PDE4D: variants seen among roughly 807,000 people sequenced by gnomAD.
The protein encoded by PDE4D is 3',5'-cyclic-AMP phosphodiesterase 4D.
A neutral mutation model predicts 87.4 loss-of-function variants in PDE4D; 24 were observed. The ratio of observed to expected loss-of-function variants is 0.27; its 90% CI spans 0.20 to 0.39. The LOEUF is 0.39. Among genes scored for constraint, PDE4D ranks in the 10% least tolerant of loss-of-function variants. PDE4D has a pLI of 1.00. For missense variants in PDE4D, 714 were observed against 1,041.0 expected, an observed-to-expected ratio of 0.69 and a Z score of 4.32; for synonymous variants, 384 against 383.2, an observed-to-expected ratio of 1.00 and a Z score of -0.02.
chr5:60,171,739 A>G (rs566716335), intron 2 of PDE4D, among the ~76,000 whole-genome samples: 3 of 152,232 alleles, frequency 2.0e-5, no homozygotes, highest in East Asian at 1.9e-4. Context: ...TGCTATTTGC[A>G]TAGGTGTCTT....
intron 1 of PDE4D, among the ~76,000 whole-genome samples, chr5:60,190,603 A>G (rs976778629): frequency 6.6e-6 from 1 of 152,254 alleles, no homozygotes; most frequent in Admixed American, 6.5e-5. Flanking sequence ...TATAGGGAAC[A>G]TAAGTAGTCT....
At chr5:59,431,624 CT>C (rs199931186) in intron 1 of PDE4D, among the ~76,000 whole-genome samples, 1 of 151,750 alleles carries the variant, frequency 6.6e-6, no homozygotes, top group African/African-American at 2.4e-5. Flanking sequence ...GATAATTTTC[CT>C]TTTTTTTAAA....
At chr5:60,314,661 A>G (rs886459343) in intron 1 of PDE4D, among the ~76,000 whole-genome samples, 11 of 146,280 alleles carry the variant, frequency 7.5e-5, no homozygotes, top group African/African-American at 2.5e-4. Context: ...AACAGGCCCC[A>G]GTGTGTGATG....
chr5:60,319,921 T>C (rs1235522502), intron 1 of PDE4D, among the ~76,000 whole-genome samples: 1 of 152,216 alleles, frequency 6.6e-6, no homozygotes, highest in Non-Finnish European at 1.5e-5. Context: ...GTTAGGCTAC[T>C]GGGGGTCAGG....
intron 1 of PDE4D, among the ~76,000 whole-genome samples, chr5:59,282,923 C>T (rs1194381099): frequency 6.6e-6 from 1 of 152,136 alleles, no homozygotes; most frequent in Non-Finnish European, 1.5e-5. Flanking sequence ...AACAGCTGCT[C>T]TGAGAAAAAC....
At chr5:59,976,066 G>T (rs1225597015) in intron 3 of PDE4D, among the ~76,000 whole-genome samples, 2 of 152,136 alleles carry the variant, frequency 1.3e-5, no homozygotes, top group African/African-American at 2.4e-5. Flanking sequence ...TGAGCCTTGG[G>T]TCGCCAGTGC....
intron 1 of PDE4D, among the ~76,000 whole-genome samples, chr5:59,441,763 C>T (rs1017295566): frequency 6.6e-6 from 1 of 152,188 alleles, no homozygotes. Flanking sequence ...ATTAACTGTG[C>T]ACTTGAAATT....
rs957161656 is a variant in PDE4D, at chr5:60,014,228, T to C, written c.43-25511A>G. 1.6e-4 allele frequency among the ~76,000 whole-genome samples: 24 copies of C among 151,484 alleles called. 1 individual carries two copies. Among genetic ancestry groups the C allele is most frequent in the African/African-American group, 5.8e-4 (24 of 41,318 alleles). ...ATATGACTGAAACTTTCTTGGACCA[T>C]CCAGCCCAGACCAGCTATTGACTAA... On this transcript the variant is annotated intron_variant, in intron 2 of 16. Coordinates refer to the PDE4D transcript ENST00000502484.
chr5:59,903,528 C>A (rs532251374), intron 3 of PDE4D, among the ~76,000 whole-genome samples: 1 of 152,112 alleles, frequency 6.6e-6, no homozygotes, highest in Non-Finnish European at 1.5e-5. Flanking sequence ...AAGGTAATTG[C>A]GATTTTTGTG....
intron 1 of PDE4D, among the ~76,000 whole-genome samples, chr5:59,311,489 G>A (rs1772590512): frequency 1.0e-5 from 1 of 97,992 alleles, no homozygotes; most frequent in Admixed American, 1.6e-4. Flanking sequence ...AACAGAGAGA[G>A]ACTCTGTCTC....
intron 2 of PDE4D, among the ~76,000 whole-genome samples, chr5:60,028,568 G>A (rs1212919780): frequency 3.3e-5 from 5 of 151,940 alleles, no homozygotes; most frequent in Admixed American, 2.6e-4. Flanking sequence ...ACCTTTCATG[G>A]TTGCCGCTGA....
At chr5:60,370,156 C>T (rs1043181952) in intron 1 of PDE4D, among the ~76,000 whole-genome samples, 24 of 152,128 alleles carry the variant, frequency 1.6e-4, no homozygotes, top group Non-Finnish European at 2.5e-4. Context: ...CCTAACAGGA[C>T]AGAGCCTTCA....
intron 1 of PDE4D, among the ~76,000 whole-genome samples, chr5:60,384,688 G>A (rs892718725): frequency 2.0e-5 from 3 of 152,068 alleles, no homozygotes; most frequent in Non-Finnish European, 4.4e-5. Context: ...GTTTGTTTCT[G>A]TTGGGTTCTT....
chr5:60,203,478 A>T (rs1742158464), intron 1 of PDE4D, among the ~76,000 whole-genome samples: 1 of 152,214 alleles, frequency 6.6e-6, no homozygotes, highest in Admixed American at 6.5e-5. Context: ...TCTATGGAAA[A>T]TAATCTGGAA....
chr5:59,906,862 A>G (rs114403018), intron 3 of PDE4D, among the ~76,000 whole-genome samples: 2,322 of 152,272 alleles, frequency 0.015, 53 homozygotes, highest in East Asian at 0.09. Flanking sequence ...CATTCAACCT[A>G]GCAAACCCAC....
intron 2 of PDE4D, among the ~76,000 whole-genome samples, chr5:59,213,700 G>T (rs1291952476): frequency 6.6e-6 from 1 of 151,938 alleles, no homozygotes; most frequent in Non-Finnish European, 1.5e-5. Context: ...TAACCCAGGG[G>T]CTCCTAATGC....
At chr5:60,177,912 A>G (rs553246365) in intron 2 of PDE4D, among the ~76,000 whole-genome samples, 1 of 152,300 alleles carries the variant, frequency 6.6e-6, no homozygotes, top group East Asian at 1.9e-4. Context: ...TTAGTTTTAA[A>G]TGAGCAGATG....
chr5:59,847,764 G>C (rs1356720247), intron 1 of PDE4D, among the ~76,000 whole-genome samples: 2 of 152,074 alleles, frequency 1.3e-5, no homozygotes, highest in Non-Finnish European at 2.9e-5. Context: ...ACAGAAGTCT[G>C]CTCTGAAAGT....
intron 1 of PDE4D, among the ~76,000 whole-genome samples, chr5:59,710,720 G>T (rs1262323647): frequency 6.6e-6 from 1 of 152,008 alleles, no homozygotes; most frequent in Non-Finnish European, 1.5e-5. Flanking sequence ...TTCTAACACT[G>T]TTTTTGAGAT....
Sources: gnomAD v4.1 joint callset for allele counts (sites outside exome capture counted in the v4.1 genomes callset) on GRCh38, gnomAD v4.1.1 for gene constraint, MANE v1.5 for transcripts, NCBI Gene and HGNC (gene_info 2026-07-23, HGNC 2026-07-21) for gene names.